MYO1D: variants seen among roughly 807,000 people sequenced by gnomAD.
MYO1D encodes unconventional myosin-Id.
Under a neutral mutation model 122.0 loss-of-function variants are expected in MYO1D, and 83 were observed. The observed-to-expected ratio is 0.68, with a 90% confidence interval of 0.57 to 0.82. The LOEUF (loss-of-function observed/expected upper bound fraction) is 0.82, where lower values mean the gene tolerates loss of function less well. Among genes scored for constraint, MYO1D ranks in the 40% least tolerant of loss-of-function variants. MYO1D has a pLI of 0.00. For missense variants in MYO1D, 1,157 were observed against 1,269.5 expected (o/e 0.91, Z 1.35); for synonymous variants, 464 against 446.9 (o/e 1.04, Z -0.48).
At chr17:32,589,642 A>T (rs551252698) in intron 21 of MYO1D, among the ~76,000 whole-genome samples, 41 of 152,272 alleles carry the variant, frequency 2.7e-4, no homozygotes, top group African/African-American at 9.6e-4. Context: ...CGTCATTCAC[A>T]CTGTCCCTTG....
intron 11 of MYO1D, among the ~76,000 whole-genome samples, chr17:32,753,925 T>C (rs1037068891): frequency 1.3e-5 from 2 of 152,072 alleles, no homozygotes; most frequent in East Asian, 1.9e-4. Flanking sequence ...AGGAATGATA[T>C]TATATTTCAA....
At chr17:32,629,091 G>C (rs1172489783) in intron 20 of MYO1D, among the ~76,000 whole-genome samples, 2 of 152,146 alleles carry the variant, frequency 1.3e-5, no homozygotes, top group Non-Finnish European at 1.5e-5. Context: ...GAACCTTAAA[G>C]GCCTACTGCT....
intron 21 of MYO1D, chr17:32,519,292 T>G (rs1910015243): frequency 6.6e-6 from 1 of 151,122 alleles, no homozygotes; most frequent in Admixed American, 6.6e-5. Flanking sequence ...CGGGTGGGGG[T>G]GGCGGCGAGG....
At chr17:32,589,906 T>G (rs147803741) in intron 21 of MYO1D, among the ~76,000 whole-genome samples, 1 of 152,362 alleles carries the variant, frequency 6.6e-6, no homozygotes, top group African/African-American at 2.4e-5. Flanking sequence ...CCTTTGTAAC[T>G]TCTATCTTGC....
intron 21 of MYO1D, among the ~76,000 whole-genome samples, chr17:32,503,731 T>G (rs780471939): frequency 6.6e-6 from 1 of 152,202 alleles, no homozygotes; most frequent in Admixed American, 6.5e-5. Context: ...CATCTGGATG[T>G]CACTAGGACA....
Position 32,761,136 on chromosome 17 carries a change from C to T in MYO1D, c.1036-509G>A, listed in dbSNP as rs575216875. ...CACACATCCAATGCACAAGAACACA[C>T]ACACTAAGCCACACATGGACAAAGG... is the stretch of plus-strand genomic sequence containing the variant. On this transcript the variant is annotated intron_variant, in intron 8 of 21. Transcript: ENST00000318217. 6.0e-4 allele frequency among the ~76,000 whole-genome samples: 91 copies of T among 152,326 alleles called. 1 individual carries two copies. The highest frequency in any genetic ancestry group is 2.1e-3 in the African/African-American group (87 of 41,570).
chr17:32,750,292 A>G (rs924059951), intron 11 of MYO1D, among the ~76,000 whole-genome samples: 1 of 152,148 alleles, frequency 6.6e-6, no homozygotes, highest in Non-Finnish European at 1.5e-5. Flanking sequence ...TAGTTTCTTA[A>G]GCAGACATCT....
At chr17:32,613,238 A>T (rs529807557) in intron 20 of MYO1D, among the ~76,000 whole-genome samples, 1 of 152,168 alleles carries the variant, frequency 6.6e-6, no homozygotes, top group Non-Finnish European at 1.5e-5. Flanking sequence ...GGTAATTTCT[A>T]TCATACTTAA....
chr17:32,607,840 A>T (rs2150915929), intron 20 of MYO1D, among the ~76,000 whole-genome samples: 1 of 152,310 alleles, frequency 6.6e-6, no homozygotes, highest in Non-Finnish European at 1.5e-5. Flanking sequence ...ACTCACGTGA[A>T]TATGGCCAAT....
intron 1 of MYO1D, among the ~76,000 whole-genome samples, chr17:32,789,013 G>T (rs1374299028): frequency 2.0e-5 from 3 of 151,706 alleles, no homozygotes; most frequent in South Asian, 2.1e-4. Flanking sequence ...GTTTTGTTTT[G>T]TTTTTTTAGC....
At chr17:32,717,196 C>T (rs1210342681) in intron 15 of MYO1D, among the ~76,000 whole-genome samples, 6 of 152,204 alleles carry the variant, frequency 3.9e-5, no homozygotes, top group African/African-American at 1.2e-4. Flanking sequence ...GTATCTAGTA[C>T]ATCCAGTAAA....
chr17:32,575,882 G>T (rs1035215659), intron 21 of MYO1D, among the ~76,000 whole-genome samples: 1 of 152,190 alleles, frequency 6.6e-6, no homozygotes, highest in Non-Finnish European at 1.5e-5. Context: ...AAGAAAACAT[G>T]GGCTTTTAAA....
chr17:32,584,101 G>GCTGTGTCCT (rs1355042453), intron 21 of MYO1D, among the ~76,000 whole-genome samples: 1 of 152,120 alleles, frequency 6.6e-6, no homozygotes, highest in African/African-American at 2.4e-5. Context: ...ACCATGTCCA[G>GCTGTGTCCT]CTGTGTCCTA....
chr17:32,771,191 T>A lies in MYO1D; in HGVS notation c.648A>T (p.Leu216=). Residue 216 remains leucine (L), a synonymous_variant, in exon 6 of 22, where the codon CTA becomes CTT. Transcript: ENST00000318217. ...GGGATTTCTGGAGATGTAGAGAGCG[T>A]AGCATTTGTTCTGAACCTCCTTGGA... ...QLLQGGSEQM[L]RSLHLQKSLS... The A allele has an allele frequency of 6.2e-7, 1 of 1,611,590 alleles. No individual in the cohort carries two copies. The highest frequency in any genetic ancestry group is 2.2e-5 in the East Asian group (1 of 44,778).
At chr17:32,691,874 G>C (rs2150974455) in intron 16 of MYO1D, among the ~76,000 whole-genome samples, 1 of 152,240 alleles carries the variant, frequency 6.6e-6, no homozygotes, top group Non-Finnish European at 1.5e-5. Context: ...TTACTCTTAT[G>C]CCAGTAGTGT....
intron 14 of MYO1D, among the ~76,000 whole-genome samples, chr17:32,734,311 TACTTTAAAAAAATCTCCATAATGTCTGC>T (rs1219285889): frequency 5.9e-5 from 9 of 152,190 alleles, no homozygotes; most frequent in Non-Finnish European, 1.3e-4. Flanking sequence ...AATATTCTGA[TACTTTAAAAAAATCTCCATAATGTCTGC>T]ACAGTAATAG....
rs536100488 is a variant in MYO1D, at chr17:32,766,716, C to T, written c.831+920G>A. On this transcript the variant is annotated intron_variant, in intron 7 of 21. Coordinates refer to ENST00000318217, the MANE Select transcript of MYO1D (RefSeq NM_015194.3). ...CTGAGGCAGGAGAATGGTATGAACT[C>T]GGGAGGTGGAGCTTGCAGTGAGCCT... 2.0e-3 allele frequency among the ~76,000 whole-genome samples: 297 copies of T among 152,014 alleles called. 2 individuals carry two copies. Among genetic ancestry groups the T allele is most frequent in the Non-Finnish European group, 1.7e-3 (116 of 67,988 alleles).
intron 1 of MYO1D, among the ~76,000 whole-genome samples, chr17:32,829,528 G>A (rs955692050): frequency 2.6e-5 from 4 of 152,100 alleles, no homozygotes; most frequent in South Asian, 2.1e-4. Context: ...ATCTCAGCTC[G>A]CTGCAACCTG....
chr17:32,564,525 C>T (rs392191), intron 21 of MYO1D, among the ~76,000 whole-genome samples: 28,262 of 152,224 alleles, frequency 0.19, 2,921 homozygotes, highest in East Asian at 0.25. Context: ...GCCTACTGAC[C>T]TACCTGCTTT....
Sources: allele counts gnomAD v4.1 joint callset (sites outside exome capture counted in the v4.1 genomes callset), GRCh38; gene constraint gnomAD v4.1.1; transcripts MANE v1.5; gene names NCBI Gene and HGNC (gene_info 2026-07-23, HGNC 2026-07-21).